Variants in CENPE observed in about 807,000 individuals in gnomAD.
CENPE encodes the protein centromere-associated protein E.
In CENPE, 145 loss-of-function variants were observed where a neutral mutation model predicts 336.1. That is an observed-to-expected ratio of 0.43 (90% CI 0.38 to 0.50). The LOEUF (loss-of-function observed/expected upper bound fraction) is 0.50. Among genes scored for constraint, CENPE ranks in the 20% least tolerant of loss-of-function variants. CENPE has a pLI of 0.00. For missense variants in CENPE, 2,719 were observed against 3,023.3 expected (o/e 0.90, Z 2.36); for synonymous variants, 1,013 against 984.8 (o/e 1.03, Z -0.54).
At chr4:103,164,771 T>C (rs1479004106) in intron 16 of CENPE, among the ~76,000 whole-genome samples, 4 of 152,260 alleles carry the variant, frequency 2.6e-5, no homozygotes, top group Middle Eastern at 3.4e-3. Context: ...TTGCCACATA[T>C]GGTTAGTGGC....
rs768995416 is a variant in CENPE, at chr4:103,194,398, A to G, written c.603T>C (p.Ser201=). Reference sequence around the variant, plus strand: ...CCATCCTAAAGATGGTATGAGAACGACTGCTTCTTTGATTCATTTTTGTTT... The same window carrying G: ...CCATCCTAAAGATGGTATGAGAACGGCTGCTTCTTTGATTCATTTTTGTTT... ...YGETKMNQRS[S]RSHTIFRMIL... The change falls in exon 7 of 49, where the codon AGT becomes AGC. Residue 201 remains serine (S), a synonymous_variant. Transcript: ENST00000265148. 3 of 1,611,474 alleles carry G rather than the reference A, an allele frequency of 1.9e-6. No individual in the cohort carries two copies. The South Asian group carries it at 3.3e-5, about 18-fold the overall frequency.
At chr4:103,163,574 G>C (rs747875110) in intron 16 of CENPE, 21 bp from the exon 17 acceptor site, 2 of 1,049,264 alleles carry the variant, frequency 1.9e-6, no homozygotes, top group Non-Finnish European at 2.7e-6. Flanking sequence ...ATGTGAACAG[G>C]TAACAGAGCA....
chr4:103,153,067 G>A lies in CENPE; in HGVS notation c.3217C>T (p.Leu1073=). The change falls in exon 25 of 49, where the codon CTA becomes TTA. Residue 1073 remains leucine, a synonymous_variant. Transcript: ENST00000265148. ...CCTACCATTTCAATATTTTCCTTTA[G>A]GTCAGTCTTCAATTGTTCCTTTTCT... The part of the protein sequence containing the change: ...IAEKEQLKTD[L]KENIEMTIEN... 6.2e-7 allele frequency: 1 copy of A among 1,611,646 alleles called. No individual in the cohort carries two copies. The highest frequency in any genetic ancestry group is 2.2e-5 in the East Asian group (1 of 44,740).
intron 40 of CENPE, 107 bp from the exon 41 acceptor site, chr4:103,133,999 T>C: frequency 1.4e-6 from 1 of 721,218 alleles, no homozygotes; most frequent in South Asian, 1.6e-5. Context: ...TATTTACCTA[T>C]ATCCTCTCAC....
At chr4:103,111,102 A>G in intron 46 of CENPE, 91 bp from the exon 47 acceptor site, 2 of 946,620 alleles carry the variant, frequency 2.1e-6, no homozygotes, top group Non-Finnish European at 3.1e-6. Context: ...ATAAGCCATT[A>G]TAGAGACCCA....
intron 6 of CENPE, 74 bp from the exon 7 acceptor site, chr4:103,194,515 T>TAA: frequency 1.4e-6 from 2 of 1,459,468 alleles, no homozygotes; most frequent in Non-Finnish European, 1.9e-6. Flanking sequence ...TATTTTAACT[T>TAA]AAAAAAGTAT....
intron 8 of CENPE, among the ~76,000 whole-genome samples, chr4:103,191,075 T>C (rs1037983576): frequency 2.0e-5 from 3 of 151,856 alleles, no homozygotes; most frequent in African/African-American, 7.3e-5. Flanking sequence ...ATCAGAGAAA[T>C]GCAAATCAAA....
At chr4:103,187,814 T>C (rs1756928718) in intron 8 of CENPE, among the ~76,000 whole-genome samples, 1 of 152,168 alleles carries the variant, frequency 6.6e-6, no homozygotes, top group South Asian at 2.1e-4. Flanking sequence ...ACTTTAAATG[T>C]AAATAGGCTA....
chr4:103,183,938 A>G (rs548767794), intron 9 of CENPE, among the ~76,000 whole-genome samples: 2 of 152,280 alleles, frequency 1.3e-5, no homozygotes, highest in South Asian at 2.1e-4. Flanking sequence ...AAAAATTTCC[A>G]TATCGGTAAA....
At chr4:103,181,704 T>C (rs1184012094) in intron 11 of CENPE, 1 of 279,222 alleles carries the variant, frequency 3.6e-6, no homozygotes, top group African/African-American at 2.3e-5. Context: ...CTTATTGGAA[T>C]CTCATTTACC....
chr4:103,181,507 A>T, intron 11 of CENPE, 51 bp from the exon 12 acceptor site: 2 of 1,454,276 alleles, frequency 1.4e-6, no homozygotes, highest in Non-Finnish European at 1.8e-6. Context: ...AAAAAATTCG[A>T]ATTTAATTAA....
Position 103,140,014 on chromosome 4 carries a change from A to G in CENPE, c.5979T>C (p.His1993=), listed in dbSNP as rs1238766598. The G allele has an allele frequency of 6.2e-7, 1 of 1,612,578 alleles. No individual in the cohort carries two copies. Among genetic ancestry groups the G allele is most frequent in the Admixed American group, 1.7e-5 (1 of 59,928 alleles). ...ACTGTTCCATTTCATTAATTTTTTT[A>G]TGACTCATATTGACATCTTCTTTCA... ...LRVKEDVNMS[H]KKINEMEQLK... The change falls in exon 38 of 49, where the codon CAT becomes CAC. Residue 1993 remains histidine (H), a synonymous_variant. Transcript: ENST00000265148.
Position 103,174,786 on chromosome 4 carries a change from C to G in CENPE, c.1597G>C (p.Asp533His). 1 of 1,555,406 alleles carries G rather than the reference C, an allele frequency of 6.4e-7. No homozygotes were observed. Among genetic ancestry groups the G allele is most frequent in the Non-Finnish European group, 8.7e-7 (1 of 1,151,286 alleles). Residue 533 changes from aspartate to histidine, a missense_variant, in exon 16 of 49, where the codon GAT becomes CAT. This residue lies in a region of CENPE where 2,437 missense variants were observed against 2,513.3 expected (regional missense o/e 0.97). Coordinates refer to ENST00000265148, the MANE Select transcript of CENPE (RefSeq NM_001813.3). ...TCTAGAGCCTCAAATTCATCCAAAT[C>G]ATTCTTTTCTTTTAATTTCAATTCC... ...EMELKLKEKN[D>H]LDEFEALERK...
chr4:103,144,235 C>G, intron 33 of CENPE, 96 bp downstream of exon 33: 3 of 1,141,582 alleles, frequency 2.6e-6, no homozygotes, highest in Non-Finnish European at 3.7e-6. Context: ...CGCGCCCGGC[C>G]TGGACCAATT....
At chr4:103,127,885 T>C (rs533441636) in intron 42 of CENPE, among the ~76,000 whole-genome samples, 2 of 151,914 alleles carry the variant, frequency 1.3e-5, no homozygotes, top group African/African-American at 4.8e-5. Context: ...GGGCAAAAAA[T>C]AGAAAACAGA....
intron 44 of CENPE, among the ~76,000 whole-genome samples, chr4:103,118,502 G>A (rs2623069): frequency 0.16 from 24,598 of 152,086 alleles, 2,356 homozygotes; most frequent in Non-Finnish European, 0.2. Flanking sequence ...TCTCCTGACA[G>A]TGTCTTTTGT....
intron 46 of CENPE, among the ~76,000 whole-genome samples, chr4:103,113,080 G>T (rs1235311269): frequency 8.8e-6 from 1 of 113,700 alleles, no homozygotes; most frequent in Admixed American, 1.0e-4. Flanking sequence ...ATACTTATAA[G>T]TATATAAGTG....
chr4:103,135,964 C>T lies in CENPE; in HGVS notation c.6522+177G>A, dbSNP rs2623062. ...CATCCTGACATAATGTCTAGGCCCA[C>T]AGGCAGAGTTCAGGTGTTGCTGATA... On this transcript the variant is annotated intron_variant, in intron 40 of 48. Transcript: ENST00000265148. 0.16 allele frequency among the ~76,000 whole-genome samples: 24,553 copies of T among 152,164 alleles called. 2,354 individuals are homozygous for T. Among genetic ancestry groups the T allele is most frequent in the Non-Finnish European group, 0.2 (13,767 of 67,968 alleles).
chr4:103,133,838 T>G lies in CENPE; in HGVS notation c.6577A>C (p.Lys2193Gln). The G allele has an allele frequency of 6.2e-7, 1 of 1,601,782 alleles. No individual in the cohort carries two copies. The highest frequency in any genetic ancestry group is 8.5e-7 in the Non-Finnish European group (1 of 1,171,044). ...IKEEQHESIN[K>Q]FEMDFIDEVE... ...TCATCAATAAAATCCATTTCAAATT[T>G]ATTGATGGATTCATGTTGTTCTTCT... The change falls in exon 41 of 49, where the codon AAA becomes CAA. Residue 2193 changes from lysine to glutamine, a missense_variant. Lys to Gln is a moderately conservative substitution (Grantham distance 53, BLOSUM62 1). Around this residue, in one of 5 missense-constraint regions of CENPE, gnomAD observed 2,437 missense variants for 2,513.3 expected, o/e 0.97. Coordinates refer to ENST00000265148, the MANE Select transcript of CENPE (RefSeq NM_001813.3).
Sources: gnomAD v4.1 joint callset for allele counts (sites outside exome capture counted in the v4.1 genomes callset) on GRCh38, gnomAD v4.1.1 for gene constraint, gnomAD v4.1.1 regional missense constraint, MANE v1.5 for transcripts, NCBI Gene and HGNC (gene_info 2026-07-23, HGNC 2026-07-21) for gene names.